The following NRF1 variants were observed in gnomAD, a reference collection of about 807,000 sequenced individuals.
NRF1 encodes the protein alpha palindromic-binding protein.
A neutral mutation model predicts 58.5 loss-of-function variants in NRF1; 5 were observed. That is an observed-to-expected ratio of 0.09 (90% confidence interval 0.04 to 0.18). The LOEUF is 0.18. NRF1 is among the 10% of genes least tolerant of loss of function. The pLI is 1.00. For synonymous variants in NRF1, 224 were observed against 246.7 expected (o/e 0.91, Z 0.86); for missense variants, 288 against 657.7 (o/e 0.44, Z 6.15).
chr7:129,649,631 CTG>C (rs1801490168), intron 1 of NRF1, among the ~76,000 whole-genome samples: 1 of 152,170 alleles, frequency 6.6e-6, no homozygotes, highest in African/African-American at 2.4e-5. Flanking sequence ...CAATCTTTTT[CTG>C]TGTTTTCTTC....
Position 129,741,706 on chromosome 7 carries a change from A to G in NRF1, c.1349-13312A>G, listed in dbSNP as rs998342235. On this transcript the variant is annotated intron_variant, in intron 10 of 10. Transcript: ENST00000393232. This position sits in a 1 kb window ranked among gnomAD's most constrained non-coding sequence, Gnocchi z 4.0. ...CTTTCCTCTTTTTATTTATGCTTCCATTAGGATTTTGAAGGAATGCCAGTG... is the reference window on the plus strand; with the variant it reads ...CTTTCCTCTTTTTATTTATGCTTCCGTTAGGATTTTGAAGGAATGCCAGTG... Among the ~76,000 whole-genome samples, 37 of 152,242 alleles carry G rather than the reference A, an allele frequency of 2.4e-4. No individual in the cohort carries two copies. Among genetic ancestry groups the G allele is most frequent in the Admixed American group, 2.0e-3 (30 of 15,288 alleles).
At chr7:129,638,046 T>C (rs2151065800) in intron 1 of NRF1, among the ~76,000 whole-genome samples, 1 of 152,232 alleles carries the variant, frequency 6.6e-6, no homozygotes, top group Middle Eastern at 3.4e-3. Context: ...GCACAGCACA[T>C]GGAGTCTATT....
rs1353426092 is a variant in NRF1, at chr7:129,619,423, T to TACACAC, written c.-7+7600_-7+7601insCACACA. Among the ~76,000 whole-genome samples, 157 of 87,350 alleles carry TACACAC rather than the reference T, an allele frequency of 1.8e-3. 1 individual carries two copies. Among genetic ancestry groups the TACACAC allele is most frequent in the Middle Eastern group, 5.9e-3 (1 of 170 alleles). 57.3% of individuals were successfully genotyped at this position (87,350 alleles called of 152,430 possible). ...ATATATATATATATATATATATATA[T>TACACAC]ATATATATATACACACACACACACA... On this transcript the variant is annotated intron_variant, in intron 1 of 10. Coordinates refer to ENST00000393232, the MANE Select transcript of NRF1 (RefSeq NM_005011.5).
In NRF1 at chr7:129,642,756, A is replaced by ACTTTTTT. The variant is rs1562957544; in HGVS notation, c.-6-14590_-6-14589insCTTTTTT. 3.8e-5 allele frequency among the ~76,000 whole-genome samples: 5 copies of ACTTTTTT among 131,700 alleles called. No homozygotes were observed. The East Asian group carries it at 1.7e-3, about 44-fold the overall frequency. The allele number at this position is 131,700 out of a possible 152,430, so 86.4% of individuals were successfully genotyped here. On this transcript the variant is annotated intron_variant, in intron 1 of 10. Transcript: ENST00000393232. ...TTCTAAAAGAATACATTCTTTAAAA[A>ACTTTTTT]ATTTTTTTTTTTTTTTTTTTAAATG...
intron 1 of NRF1, among the ~76,000 whole-genome samples, chr7:129,655,813 C>T (rs114212322): frequency 1.1e-3 from 168 of 152,328 alleles, no homozygotes; most frequent in African/African-American, 3.7e-3. Flanking sequence ...TGAGCCACCT[C>T]GGCCAGCCTT....
intron 2 of NRF1, among the ~76,000 whole-genome samples, chr7:129,664,136 G>A (rs952828033): frequency 3.4e-4 from 51 of 151,692 alleles, no homozygotes; most frequent in Non-Finnish European, 7.2e-4. Context: ...GGGAAAGGGG[G>A]AGGGGGAGGG....
At chr7:129,715,887 C>A (rs774238024) in intron 8 of NRF1, among the ~76,000 whole-genome samples, 57 of 152,054 alleles carry the variant, frequency 3.7e-4, no homozygotes, top group Admixed American at 8.5e-4. Context: ...TGCCTGTAAT[C>A]CCAGCTACTT....
At chr7:129,674,379 A>AACACTGCAACCAC (rs1259271208) in intron 3 of NRF1, among the ~76,000 whole-genome samples, 2 of 150,684 alleles carry the variant, frequency 1.3e-5, no homozygotes, top group Non-Finnish European at 2.9e-5. Flanking sequence ...ATACTCTGTT[A>AACACTGCAACCAC]AGTGTTGCAG....
At chr7:129,715,961 C>T (rs1361536583) in intron 8 of NRF1, among the ~76,000 whole-genome samples, 2 of 151,454 alleles carry the variant, frequency 1.3e-5, no homozygotes, top group African/African-American at 2.4e-5. Flanking sequence ...GCCGAGATCG[C>T]GCCACTGCAC....
At chr7:129,734,444 A>G (rs370127405) in intron 10 of NRF1, among the ~76,000 whole-genome samples, 1 of 152,236 alleles carries the variant, frequency 6.6e-6, no homozygotes, top group Non-Finnish European at 1.5e-5. Context: ...TTGTTGAACA[A>G]ATAAATTTGG....
At chr7:129,643,562 G>T (rs1801341126) in intron 1 of NRF1, among the ~76,000 whole-genome samples, 1 of 152,232 alleles carries the variant, frequency 6.6e-6, no homozygotes, top group South Asian at 2.1e-4. Flanking sequence ...AGTTGCAAAT[G>T]CTTGGGTAGA....
chr7:129,647,295 T>G (rs570594967), intron 1 of NRF1, among the ~76,000 whole-genome samples: 2 of 152,178 alleles, frequency 1.3e-5, no homozygotes, highest in East Asian at 3.9e-4. Context: ...CCTCTCGGGA[T>G]TACGGGCATG....
intron 1 of NRF1, among the ~76,000 whole-genome samples, chr7:129,616,182 T>G (rs1248063858): frequency 3.9e-5 from 6 of 152,238 alleles, no homozygotes; most frequent in Non-Finnish European, 8.8e-5. Flanking sequence ...GTTGTGGTCT[T>G]TAGGCCTAAA....
At chr7:129,626,254 CACT>C (rs1447659511) in intron 1 of NRF1, among the ~76,000 whole-genome samples, 4 of 152,158 alleles carry the variant, frequency 2.6e-5, no homozygotes, top group African/African-American at 4.8e-5. Flanking sequence ...ACAGTAGTTG[CACT>C]ACTGTCAGAG....
intron 6 of NRF1, 73 bp from the exon 7 acceptor site, chr7:129,710,301 C>A: frequency 7.5e-7 from 1 of 1,330,496 alleles, no homozygotes; most frequent in Non-Finnish European, 1.1e-6. Context: ...GAAGTAGCTG[C>A]TTATTGCATA....
intron 9 of NRF1, 128 bp downstream of exon 9, chr7:129,717,504 C>T: frequency 9.8e-7 from 1 of 1,021,274 alleles, no homozygotes; most frequent in Non-Finnish European, 1.4e-6. Context: ...CACTCTTGGC[C>T]CATACGATAT....
intron 1 of NRF1, among the ~76,000 whole-genome samples, chr7:129,648,715 A>G (rs1437844590): frequency 6.6e-6 from 1 of 152,142 alleles, no homozygotes; most frequent in African/African-American, 2.4e-5. Context: ...ATGTAAGGAT[A>G]GGATATTAAT....
At chr7:129,626,699 AAG>A (rs1800927524) in intron 1 of NRF1, among the ~76,000 whole-genome samples, 1 of 152,210 alleles carries the variant, frequency 6.6e-6, no homozygotes, top group African/African-American at 2.4e-5. Context: ...TGAATACAAA[AAG>A]GGGAAGAAGT....
intron 1 of NRF1, among the ~76,000 whole-genome samples, chr7:129,622,231 C>T (rs182041917): frequency 9.9e-5 from 15 of 152,148 alleles, no homozygotes; most frequent in African/African-American, 2.2e-4. Flanking sequence ...TTAGCGTTTA[C>T]GAGCAGAAAA....
Sources: allele counts gnomAD v4.1 joint callset (sites outside exome capture counted in the v4.1 genomes callset), GRCh38; gene constraint gnomAD v4.1.1; non-coding constraint Gnocchi (gnomAD v3.1); transcripts MANE v1.5; gene names NCBI Gene and HGNC (gene_info 2026-07-23, HGNC 2026-07-21).